ERI3: variants seen among roughly 807,000 people sequenced by gnomAD.
ERI3 encodes the protein ERI1 exoribonuclease 3.
Under a neutral mutation model 44.4 loss-of-function variants are expected in ERI3, and 18 were observed. That is an observed-to-expected ratio of 0.41 (90% CI 0.28 to 0.60). The LOEUF is 0.60. ERI3 is among the 20% of genes least tolerant of loss of function. The pLI is 0.36. For synonymous variants in ERI3, 183 were observed against 164.8 expected, an observed-to-expected ratio of 1.11 and a Z score of -0.84; for missense variants, 294 against 435.5, an observed-to-expected ratio of 0.68 and a Z score of 2.89.
intron 4 of ERI3, among the ~76,000 whole-genome samples, chr1:44,317,652 T>G (rs1278886728): frequency 6.6e-6 from 1 of 152,064 alleles, no homozygotes; most frequent in African/African-American, 2.4e-5. Flanking sequence ...AGATAAATAA[T>G]TATAGTATAA....
chr1:44,285,799 C>A (rs1192018692), intron 6 of ERI3, among the ~76,000 whole-genome samples: 1 of 152,128 alleles, frequency 6.6e-6, no homozygotes, highest in East Asian at 1.9e-4. Flanking sequence ...GGGGCATATG[C>A]AAGGATGGAG....
intron 3 of ERI3, chr1:44,322,682 T>C (rs778594996): frequency 2.3e-5 from 35 of 1,511,502 alleles, no homozygotes; most frequent in Non-Finnish European, 2.8e-5. Context: ...AAAGACTCTC[T>C]GAGAAATTAG....
Position 44,281,601 on chromosome 1 carries a change from A to AAAATATAT in ERI3, c.831+3233_831+3234insATATATTT, listed in dbSNP as rs1460400186. Reference sequence around the variant, plus strand: ...AGACCCCGTCTCGAAAAAAAAAAAAAATATATATATATATATATAATATAT... The same window carrying AAAATATAT: ...AGACCCCGTCTCGAAAAAAAAAAAAAAAATATATATATATATATATATATATAATATAT... On this transcript the variant is annotated intron_variant, in intron 7 of 8. Transcript: ENST00000372257. Among the ~76,000 whole-genome samples the AAAATATAT allele has an allele frequency of 7.5e-3, 954 of 127,908 alleles. 19 individuals carry two copies. Among genetic ancestry groups the AAAATATAT allele is most frequent in the African/African-American group, 0.029 (862 of 29,934 alleles). 83.9% of individuals were successfully genotyped at this position (127,908 alleles called of 152,430 possible).
At chr1:44,280,871 G>T (rs773647380) in intron 7 of ERI3, among the ~76,000 whole-genome samples, 2 of 152,100 alleles carry the variant, frequency 1.3e-5, no homozygotes, top group Non-Finnish European at 2.9e-5. Flanking sequence ...CTCTCCTTTT[G>T]CCACCTTCAC....
chr1:44,275,296 G>T (rs1198715473), intron 7 of ERI3, among the ~76,000 whole-genome samples: 1 of 152,068 alleles, frequency 6.6e-6, no homozygotes, highest in Non-Finnish European at 1.5e-5. Context: ...AAAGTGAACT[G>T]GCTAGCAGGG....
chr1:44,257,536 C>T (rs1644806072), intron 7 of ERI3, among the ~76,000 whole-genome samples: 1 of 152,218 alleles, frequency 6.6e-6, no homozygotes, highest in African/African-American at 2.4e-5. Flanking sequence ...GGCCCAACTA[C>T]AGGGCTTAGC....
intron 6 of ERI3, among the ~76,000 whole-genome samples, chr1:44,294,147 C>T (rs190457588): frequency 6.6e-5 from 10 of 152,254 alleles, no homozygotes; most frequent in Non-Finnish European, 1.3e-4. Context: ...AAGGCCGTCA[C>T]CTGCGTCTGG....
chr1:44,300,022 C>T (rs1237493139), intron 6 of ERI3, among the ~76,000 whole-genome samples: 2 of 152,170 alleles, frequency 1.3e-5, no homozygotes, highest in Non-Finnish European at 2.9e-5. Flanking sequence ...TCAGAACATA[C>T]AGCCCCTCCA....
chr1:44,231,795 T>G (rs1292250085), intron 8 of ERI3, among the ~76,000 whole-genome samples: 1 of 152,228 alleles, frequency 6.6e-6, no homozygotes, highest in Non-Finnish European at 1.5e-5. Context: ...GGCACAGGGA[T>G]GGGCATGTGT....
rs189294606 is a variant in ERI3 at position 44,293,510 on chromosome 1, C to T, written c.759-8603G>A. 3.9e-4 allele frequency among the ~76,000 whole-genome samples: 60 copies of T among 152,308 alleles called. 1 individual carries two copies. The highest frequency in any genetic ancestry group is 1.4e-3 in the African/African-American group (57 of 41,560). The stretch of plus-strand genomic sequence containing the variant: ...TCACTCACTTCACAGTGAGGCCCCA[C>T]GGCAAGGGGTTACAGGTCATGCTTC... On this transcript the variant is annotated intron_variant, in intron 6 of 8. Coordinates refer to ENST00000372257, the MANE Select transcript of ERI3 (RefSeq NM_024066.3).
At chr1:44,305,379 C>A (rs1447979537) in intron 6 of ERI3, among the ~76,000 whole-genome samples, 1 of 152,162 alleles carries the variant, frequency 6.6e-6, no homozygotes, top group African/African-American at 2.4e-5. Context: ...AGAAACAACA[C>A]CAAACCCTAT....
chr1:44,272,299 T>C (rs1185257693), intron 7 of ERI3, among the ~76,000 whole-genome samples: 1 of 152,156 alleles, frequency 6.6e-6, no homozygotes, highest in Non-Finnish European at 1.5e-5. Flanking sequence ...CAGATATTAA[T>C]CATCATTTAC....
chr1:44,238,486 G>T (rs1027704107), intron 8 of ERI3, among the ~76,000 whole-genome samples: 8 of 152,150 alleles, frequency 5.3e-5, no homozygotes, highest in African/African-American at 1.9e-4. Flanking sequence ...GGTGTATAGG[G>T]CCAGATCTTG....
chr1:44,226,305 C>T (rs879575230), intron 8 of ERI3, among the ~76,000 whole-genome samples: 13 of 151,796 alleles, frequency 8.6e-5, no homozygotes, highest in Non-Finnish European at 1.5e-4. Context: ...AACTAAGGAG[C>T]TTAAGATGTT....
At chr1:44,350,863 G>A (rs577665957) in intron 2 of ERI3, among the ~76,000 whole-genome samples, 42 of 151,440 alleles carry the variant, frequency 2.8e-4, no homozygotes, top group Non-Finnish European at 5.3e-4. Context: ...TGAGATTATA[G>A]GCACGAGCCA....
chr1:44,317,158 A>ACACACG (rs1393435622), intron 4 of ERI3, among the ~76,000 whole-genome samples: 5 of 152,176 alleles, frequency 3.3e-5, no homozygotes, highest in Admixed American at 6.5e-5. Context: ...ACACACACAC[A>ACACACG]CACACACACT....
chr1:44,259,806 G>A (rs932455230), intron 7 of ERI3, among the ~76,000 whole-genome samples: 1 of 151,824 alleles, frequency 6.6e-6, no homozygotes, highest in Admixed American at 6.6e-5. Context: ...CTTAAGCCCA[G>A]GGGGTTGAGG....
intron 8 of ERI3, among the ~76,000 whole-genome samples, chr1:44,244,729 C>T (rs764022574): frequency 5.3e-5 from 8 of 152,054 alleles, no homozygotes; most frequent in Non-Finnish European, 7.4e-5. Flanking sequence ...GACCATGTAA[C>T]TCCCCTGCCC....
intron 3 of ERI3, among the ~76,000 whole-genome samples, chr1:44,333,392 A>C (rs1389575763): frequency 6.6e-6 from 1 of 152,238 alleles, no homozygotes; most frequent in African/African-American, 2.4e-5. Flanking sequence ...ACCACAATCC[A>C]AGGATTAGGC....
Sources: allele counts gnomAD v4.1 joint callset (sites outside exome capture counted in the v4.1 genomes callset), GRCh38; gene constraint gnomAD v4.1.1; transcripts MANE v1.5; gene names NCBI Gene and HGNC (gene_info 2026-07-23, HGNC 2026-07-21).